The following EPHA6 variants were observed in gnomAD, a reference collection of about 807,000 sequenced individuals.
EPHA6 encodes EPH receptor A6.
EPHA6 carries 50 observed loss-of-function variants against 112.0 expected under a neutral mutation model. The ratio of observed to expected loss-of-function variants is 0.45; its 90% CI spans 0.36 to 0.56. The LOEUF (loss-of-function observed/expected upper bound fraction) is 0.56, where lower values mean the gene tolerates loss of function less well. Among genes scored for constraint, EPHA6 ranks in the 20% least tolerant of loss-of-function variants. The pLI is 0.00. For missense variants in EPHA6, 1,280 were observed against 1,417.4 expected, an observed-to-expected ratio of 0.90 and a Z score of 1.56; for synonymous variants, 529 against 490.7, an observed-to-expected ratio of 1.08 and a Z score of -1.03.
intron 3 of EPHA6, among the ~76,000 whole-genome samples, chr3:97,140,381 C>T (rs576025586): frequency 2.4e-4 from 37 of 152,130 alleles, no homozygotes; most frequent in Admixed American, 7.2e-4. Flanking sequence ...CCAAGGCATA[C>T]GGTTATCAGA....
intron 3 of EPHA6, 33 bp downstream of exon 3, chr3:96,988,026 C>T (rs2043084037): frequency 6.8e-7 from 1 of 1,481,160 alleles, no homozygotes; most frequent in Non-Finnish European, 9.1e-7. Context: ...ATTTATCTTG[C>T]ATTTAAATGA....
intron 5 of EPHA6, among the ~76,000 whole-genome samples, chr3:97,389,975 T>C (rs987858254): frequency 2.0e-5 from 3 of 152,098 alleles, no homozygotes; most frequent in Admixed American, 2.0e-4. Flanking sequence ...GTAAGTGATT[T>C]GTGAACAACA....
At chr3:97,222,607 ATC>A (rs771149539) in intron 3 of EPHA6, among the ~76,000 whole-genome samples, 1 of 152,224 alleles carries the variant, frequency 6.6e-6, no homozygotes. Flanking sequence ...GATATTTACT[ATC>A]TGTTTTCATC....
At chr3:97,308,117 A>C (rs1388304361) in intron 5 of EPHA6, among the ~76,000 whole-genome samples, 3 of 151,666 alleles carry the variant, frequency 2.0e-5, no homozygotes, top group Admixed American at 2.0e-4. Flanking sequence ...TCACCTCTTG[A>C]TGATTTTACA....
At chr3:97,557,073 C>T (rs981591501) in intron 11 of EPHA6, among the ~76,000 whole-genome samples, 1 of 151,844 alleles carries the variant, frequency 6.6e-6, no homozygotes, top group Non-Finnish European at 1.5e-5. Flanking sequence ...CCAGGTCATA[C>T]TTTTATTATC....
intron 15 of EPHA6, among the ~76,000 whole-genome samples, chr3:97,726,518 T>C (rs895649894): frequency 5.3e-5 from 8 of 152,146 alleles, no homozygotes; most frequent in Admixed American, 5.2e-4. Context: ...TTCTTAAAAA[T>C]ATTTAAGGCA....
intron 2 of EPHA6, among the ~76,000 whole-genome samples, chr3:96,932,395 C>G (rs1218636484): frequency 6.6e-6 from 1 of 152,196 alleles, no homozygotes; most frequent in East Asian, 1.9e-4. Flanking sequence ...TTTAAAAACA[C>G]AGAATGTACT....
intron 2 of EPHA6, among the ~76,000 whole-genome samples, chr3:96,877,317 C>G (rs1161459663): frequency 1.3e-5 from 2 of 152,050 alleles, no homozygotes; most frequent in African/African-American, 4.8e-5. Flanking sequence ...TCACTATTCT[C>G]TCACTAAAAT....
At chr3:97,561,404 C>T (rs946185287) in intron 11 of EPHA6, among the ~76,000 whole-genome samples, 1 of 151,912 alleles carries the variant, frequency 6.6e-6, no homozygotes, top group East Asian at 1.9e-4. Context: ...AGTGAAGCAG[C>T]CTTATTACTG....
chr3:97,241,512 A>G (rs1473427247), intron 4 of EPHA6, among the ~76,000 whole-genome samples: 1 of 151,818 alleles, frequency 6.6e-6, no homozygotes, highest in African/African-American at 2.4e-5. Flanking sequence ...TAACAAAGCA[A>G]TCAGGCCACA....
At chr3:96,842,644 G>A (rs550713886) in intron 1 of EPHA6, among the ~76,000 whole-genome samples, 26 of 152,044 alleles carry the variant, frequency 1.7e-4, no homozygotes, top group African/African-American at 6.0e-4. Flanking sequence ...ATAGTGATGG[G>A]TATTAATACC....
At chr3:97,282,643 A>T (rs987757407) in intron 5 of EPHA6, among the ~76,000 whole-genome samples, 93 of 152,346 alleles carry the variant, frequency 6.1e-4, no homozygotes, top group African/African-American at 2.2e-3. Context: ...ACACCATGGA[A>T]TACTGTGTAG....
Position 97,405,174 on chromosome 3 carries a change from G to A in EPHA6, c.1631G>A (p.Arg544Lys), listed in dbSNP as rs1161994581. 5.0e-6 allele frequency: 8 copies of A among 1,601,946 alleles called. No individual in the cohort carries two copies. Among genetic ancestry groups the A allele is most frequent in the South Asian group, 4.5e-5 (4 of 89,206 alleles). Reference sequence around the variant, plus strand: ...GCACCTTCCCTGATAGGTGTGGTAAGGAAGGACTGGGCATCCCAAAATAGC... The same window carrying A: ...GCACCTTCCCTGATAGGTGTGGTAAAGAAGGACTGGGCATCCCAAAATAGC... ...QDAPSLIGVV[R>K]KDWASQNSIA... Residue 544 changes from arginine to lysine, a missense_variant, in exon 6 of 18, where the codon AGG becomes AAG. By Grantham distance (26) the Arg-to-Lys change is conservative. This residue lies in a region of EPHA6 where 878 missense variants were observed against 999.7 expected (regional missense o/e 0.88). Coordinates refer to ENST00000389672, the MANE Select transcript of EPHA6 (RefSeq NM_001080448.3).
chr3:96,835,731 G>A (rs1413524195), intron 1 of EPHA6, among the ~76,000 whole-genome samples: 5 of 151,964 alleles, frequency 3.3e-5, no homozygotes, highest in Non-Finnish European at 1.5e-5. Flanking sequence ...GTCCCACCCA[G>A]ATTTATCTCT....
intron 5 of EPHA6, among the ~76,000 whole-genome samples, chr3:97,378,861 C>T (rs1214608317): frequency 6.6e-6 from 1 of 152,032 alleles, no homozygotes; most frequent in Non-Finnish European, 1.5e-5. Flanking sequence ...GGCTGATGGG[C>T]AGAAGGGACT....
intron 5 of EPHA6, among the ~76,000 whole-genome samples, chr3:97,267,526 T>C (rs949593990): frequency 1.3e-5 from 2 of 152,120 alleles, no homozygotes; most frequent in Admixed American, 1.3e-4. Context: ...AAATAAATAT[T>C]GGTTGACTAA....
intron 5 of EPHA6, among the ~76,000 whole-genome samples, chr3:97,320,367 A>C (rs2082051647): frequency 6.6e-6 from 1 of 151,668 alleles, no homozygotes; most frequent in African/African-American, 2.4e-5. Context: ...GTAAAACCTT[A>C]TTTTTATAAA....
chr3:97,033,071 A>T (rs531483324), intron 3 of EPHA6, among the ~76,000 whole-genome samples: 55 of 152,024 alleles, frequency 3.6e-4, no homozygotes, highest in Non-Finnish European at 7.5e-4. Flanking sequence ...GAAAGAAAAA[A>T]AAAAGGAAGT....
Position 97,748,827 on chromosome 3 carries a change from G to T in EPHA6, c.*126G>T. The T allele has an allele frequency of 1.5e-6, 1 of 656,174 alleles. No homozygotes were observed. The highest frequency in any genetic ancestry group is 1.7e-5 in the South Asian group (1 of 58,670). The allele number at this position is 656,174 out of a possible 1,614,324, so 40.6% of individuals were successfully genotyped here. On this transcript the variant is annotated 3_prime_UTR_variant, in exon 18 of 18. Coordinates refer to ENST00000389672, the MANE Select transcript of EPHA6 (RefSeq NM_001080448.3). The stretch of plus-strand genomic sequence containing the variant: ...ACTGCAGTCTTCTGTTCAGACTATA[G>T]GCACACACCTTATGTTTATGCTTCC...
Sources: allele counts gnomAD v4.1 joint callset (sites outside exome capture counted in the v4.1 genomes callset), GRCh38; gene constraint gnomAD v4.1.1; regional missense constraint gnomAD v4.1.1; transcripts MANE v1.5; gene names NCBI Gene and HGNC (gene_info 2026-07-23, HGNC 2026-07-21).